The following C12orf50 variants were observed in gnomAD, a reference collection of about 807,000 sequenced individuals.
C12orf50 encodes uncharacterized protein C12orf50.
C12orf50 carries 35 observed loss-of-function variants against 61.6 expected under a neutral mutation model. The observed-to-expected ratio is 0.57, with a 90% CI of 0.43 to 0.75. C12orf50 has a LOEUF of 0.75. Ranked by LOEUF, C12orf50 falls within the 30% of genes least tolerant of loss-of-function variation. The probability of loss-of-function intolerance (pLI) is 0.00; values close to 1 mark genes in which losing one functional copy is unlikely to be tolerated. For missense variants in C12orf50, 475 were observed against 488.5 expected (o/e 0.97, Z 0.26); for synonymous variants, 178 against 161.5 (o/e 1.10, Z -0.77).
At chr12:87,990,136 T>C (rs2031048585) in intron 7 of C12orf50, among the ~76,000 whole-genome samples, 1 of 152,162 alleles carries the variant, frequency 6.6e-6, no homozygotes, top group African/African-American at 2.4e-5. Flanking sequence ...TTTTCCCAAA[T>C]TAAAGAAAAG....
At chr12:87,999,386 C>T (rs1197693243) in intron 3 of C12orf50, among the ~76,000 whole-genome samples, 1 of 152,174 alleles carries the variant, frequency 6.6e-6, no homozygotes, top group Non-Finnish European at 1.5e-5. Context: ...GATCATGCCA[C>T]TGCACTCTAG....
At chr12:88,010,242 GT>G (rs2032045128) in intron 3 of C12orf50, among the ~76,000 whole-genome samples, 1 of 151,900 alleles carries the variant, frequency 6.6e-6, no homozygotes, top group Non-Finnish European at 1.5e-5. Context: ...TTGAAATCTG[GT>G]TGAACAAGTT....
At chr12:87,981,223 C>T (rs188367376) in intron 12 of C12orf50, among the ~76,000 whole-genome samples, 65 of 152,194 alleles carry the variant, frequency 4.3e-4, no homozygotes, top group Middle Eastern at 6.8e-3. Context: ...GTTCTCTGTA[C>T]CCCACCTCCC....
At chr12:87,993,284 ATAACCTTTTAT>A (rs931154751) in intron 7 of C12orf50, among the ~76,000 whole-genome samples, 1 of 152,218 alleles carries the variant, frequency 6.6e-6, no homozygotes, top group African/African-American at 2.4e-5. Context: ...ATGGTTAAAA[ATAACCTTTTAT>A]TAACCAAAAA....
intron 11 of C12orf50, chr12:87,985,439 C>A (rs572400044): frequency 5.6e-6 from 1 of 179,356 alleles, no homozygotes; most frequent in Admixed American, 5.8e-5. Flanking sequence ...ATCCCCAAAC[C>A]AACCCTTTCA....
chr12:87,986,239 A>G, intron 10 of C12orf50, 73 bp downstream of exon 10: 1 of 1,291,758 alleles, frequency 7.7e-7, no homozygotes, highest in South Asian at 1.4e-5. Context: ...TTTGTTTTTC[A>G]GGTAGAAGAT....
rs192253229 is a variant in C12orf50 at position 87,992,292 on chromosome 12, G to A, written c.592+2341C>T. 6.6e-5 allele frequency among the ~76,000 whole-genome samples: 10 copies of A among 152,226 alleles called. No homozygotes were observed. The East Asian group carries it at 1.5e-3, about 23-fold the overall frequency. On this transcript the variant is annotated intron_variant, in intron 7 of 12. Coordinates refer to ENST00000298699, the MANE Select transcript of C12orf50 (RefSeq NM_152589.3). ...TATGTGTGTGTGTACATAGTTCCCCGAGGAGCAATGGTTCAGTGTTTGCTA... is the reference window on the plus strand; with the variant it reads ...TATGTGTGTGTGTACATAGTTCCCCAAGGAGCAATGGTTCAGTGTTTGCTA...
intron 6 of C12orf50, among the ~76,000 whole-genome samples, chr12:87,995,796 G>T (rs373861641): frequency 3.3e-5 from 5 of 152,008 alleles, no homozygotes; most frequent in Middle Eastern, 3.2e-3. Context: ...GCCACCTATC[G>T]CCACGTTTGA....
Position 88,026,595 on chromosome 12 carries a change from A to G in C12orf50, c.26T>C (p.Ile9Thr), listed in dbSNP as rs1592690294. 1 of 1,613,422 alleles carries G rather than the reference A, an allele frequency of 6.2e-7. No individual in the cohort carries two copies. Among genetic ancestry groups the G allele is most frequent in the Non-Finnish European group, 8.5e-7 (1 of 1,179,984 alleles). ...AGGCTGAGTTTCCCAGAAGCATGAA[A>G]TGCTGCAGTTTTGCTAGATAAAAGG... The part of the protein sequence containing the change: MEMQQNCS[I>T]SCFWETQPLG... The change falls in exon 3 of 13, where the codon ATT (isoleucine) becomes ACT (threonine). Residue 9 changes from isoleucine to threonine, a missense_variant. Ile to Thr is a moderately conservative substitution (Grantham distance 89). Coordinates refer to ENST00000298699, the MANE Select transcript of C12orf50 (RefSeq NM_152589.3).
chr12:87,988,781 G>A (rs2030973737), intron 8 of C12orf50, among the ~76,000 whole-genome samples: 1 of 152,120 alleles, frequency 6.6e-6, no homozygotes, highest in South Asian at 2.1e-4. Flanking sequence ...GAGGCACTCA[G>A]CAGAGAGATA....
chr12:87,988,531 A>G lies in C12orf50; in HGVS notation c.701-565T>C, dbSNP rs149868046. Among the ~76,000 whole-genome samples, 45 of 152,290 alleles carry G rather than the reference A, an allele frequency of 3.0e-4. 1 individual carries two copies. Among genetic ancestry groups the G allele is most frequent in the African/African-American group, 1.1e-3 (44 of 41,578 alleles). The stretch of plus-strand genomic sequence containing the variant: ...AAAGAGTCATAAATAGCTGGTGGCT[A>G]CCATATTAGTATAGCTTTAAGAGTT... On this transcript the variant is annotated intron_variant, in intron 8 of 12. Coordinates refer to ENST00000298699, the MANE Select transcript of C12orf50 (RefSeq NM_152589.3).
At chr12:87,985,768 T>C in intron 11 of C12orf50, 82 bp downstream of exon 11, 2 of 1,400,836 alleles carry the variant, frequency 1.4e-6, no homozygotes, top group Non-Finnish European at 2.0e-6. Flanking sequence ...TAAGTAGTAG[T>C]GAAGTTTAGC....
At chr12:87,994,489 G>A (rs772471487) in intron 7 of C12orf50, 144 bp downstream of exon 7, 1 of 622,444 alleles carries the variant, frequency 1.6e-6, no homozygotes, top group Non-Finnish European at 2.7e-6. Flanking sequence ...GTCTCTGAAA[G>A]CAACTGATTT....
chr12:87,990,943 A>T (rs539912079), intron 7 of C12orf50, among the ~76,000 whole-genome samples: 4 of 152,250 alleles, frequency 2.6e-5, no homozygotes, highest in African/African-American at 4.8e-5. Flanking sequence ...CTGGTCAGAG[A>T]TTTCAGCATC....
chr12:88,014,635 T>C (rs1044951481), intron 3 of C12orf50, among the ~76,000 whole-genome samples: 2 of 152,178 alleles, frequency 1.3e-5, no homozygotes, highest in Non-Finnish European at 2.9e-5. Context: ...TATGTTTGAA[T>C]TCAGAAACTG....
At chr12:88,015,764 G>T (rs1043241670) in intron 3 of C12orf50, among the ~76,000 whole-genome samples, 3 of 152,046 alleles carry the variant, frequency 2.0e-5, no homozygotes, top group African/African-American at 7.2e-5. Flanking sequence ...GCAGCTATTT[G>T]CTTTTAAACT....
intron 3 of C12orf50, among the ~76,000 whole-genome samples, chr12:88,025,489 T>C (rs778891980): frequency 6.6e-6 from 1 of 152,146 alleles, no homozygotes; most frequent in Non-Finnish European, 1.5e-5. Context: ...GGGAGTACCA[T>C]GTAGTGTTAT....
intron 7 of C12orf50, among the ~76,000 whole-genome samples, chr12:87,989,760 T>C (rs1592649934): frequency 6.6e-6 from 1 of 152,238 alleles, no homozygotes; most frequent in East Asian, 1.9e-4. Context: ...CCAGGATAAA[T>C]ATCCATAGTT....
At chr12:87,986,460 C>A in intron 9 of C12orf50, 44 bp from the exon 10 acceptor site, 1 of 1,393,370 alleles carries the variant, frequency 7.2e-7, no homozygotes, top group Non-Finnish European at 1.0e-6. Flanking sequence ...GAGATGCTTT[C>A]ATCTCTGAAA....
Sources: allele counts gnomAD v4.1 joint callset (sites outside exome capture counted in the v4.1 genomes callset), GRCh38; gene constraint gnomAD v4.1.1; transcripts MANE v1.5; gene names NCBI Gene and HGNC (gene_info 2026-07-23, HGNC 2026-07-21).